INTS5: variants seen among roughly 807,000 people sequenced by gnomAD.
INTS5 encodes the protein KIAA1698.
A neutral mutation model predicts 60.0 loss-of-function variants in INTS5; 29 were observed. The ratio of observed to expected loss-of-function variants is 0.48; its 90% CI spans 0.36 to 0.66. The LOEUF is 0.66. Among genes scored for constraint, INTS5 ranks in the 30% least tolerant of loss-of-function variants. The pLI is 0.00. For synonymous variants in INTS5, 588 were observed against 558.8 expected (o/e 1.05, Z -0.74); for missense variants, 1,129 against 1,307.9 (o/e 0.86, Z 2.11).
chr11:62,650,753 G>A (rs1036759185), intron 1 of INTS5, among the ~76,000 whole-genome samples: 2 of 152,186 alleles, frequency 1.3e-5, no homozygotes, highest in South Asian at 2.1e-4. Context: ...TGTCACCCAG[G>A]CTGGAGTGCA....
chr11:62,647,925 C>T lies in INTS5; in HGVS notation c.2155G>A (p.Val719Ile). The stretch of plus-strand genomic sequence containing the variant: ...GAGGCAGAAGCCAAAGAAGCTGAAA[C>T]AACTGAGAGAGTCTCATTGTCCCCA... ...VDGDNETLSV[V>I]SASLASASLL... is the part of the protein sequence containing the mutation. Residue 719 changes from valine (V) to isoleucine (I), a missense_variant, in exon 2 of 2, where the codon GTT (valine) becomes ATT (isoleucine). This residue lies in a region of INTS5 where 1,070 missense variants were observed against 1,246.1 expected (regional missense o/e 0.86). Coordinates refer to ENST00000330574, the MANE Select transcript of INTS5 (RefSeq NM_030628.2). The T allele has an allele frequency of 2.5e-6, 4 of 1,614,190 alleles. No homozygotes were observed. Among genetic ancestry groups the T allele is most frequent in the Non-Finnish European group, 3.4e-6 (4 of 1,180,030 alleles).
rs767632603 is a variant in INTS5 at position 62,649,587 on chromosome 11, G to A, written c.493C>T (p.Arg165Cys). Residue 165 changes from arginine to cysteine, a missense_variant, in exon 2 of 2, where the codon CGT becomes TGT. By Grantham distance (180) the Arg-to-Cys change is radical. This residue lies in a region of INTS5 where 1,070 missense variants were observed against 1,246.1 expected (regional missense o/e 0.86). Coordinates refer to ENST00000330574, the MANE Select transcript of INTS5 (RefSeq NM_030628.2). This position sits in a 1 kb window ranked among gnomAD's most constrained non-coding sequence, Gnocchi z 6.0. ...LSSTYSGQHQ[R>C]VPHATGALNE... ...AGAGCGCCAGTAGCGTGGGGAACAC[G>A]CTGGTGCTGGCCTGAGTACGTGCTG... The A allele has an allele frequency of 5.6e-6, 9 of 1,614,140 alleles. No individual in the cohort carries two copies. Among genetic ancestry groups the A allele is most frequent in the Non-Finnish European group, 6.8e-6 (8 of 1,180,020 alleles).
At position 62,648,809 on chromosome 11, in the gene INTS5, C is replaced by A. The variant is rs1453379736; in HGVS notation, c.1271G>T (p.Gly424Val). The change falls in exon 2 of 2, where the codon GGC (glycine) becomes GTC (valine). Residue 424 changes from glycine to valine, a missense_variant. Physicochemically the swap from Gly to Val is moderately radical, Grantham distance 109 (BLOSUM62 -3). Around this residue, in one of 3 missense-constraint regions of INTS5, gnomAD observed 1,070 missense variants for 1,246.1 expected, o/e 0.86. Transcript: ENST00000330574. This position sits in a 1 kb window ranked among gnomAD's most constrained non-coding sequence, Gnocchi z 4.4. Reference sequence around the variant, plus strand: ...ACGCACGGTGTCTGGCACAGCCAGGCCCTGGGTGGTAATGACCGAAGCAGG... The same window carrying A: ...ACGCACGGTGTCTGGCACAGCCAGGACCTGGGTGGTAATGACCGAAGCAGG... ...AMPASVITTQ[G>V]LAVPDTVREA... The A allele has an allele frequency of 1.2e-6, 2 of 1,614,020 alleles. No homozygotes were observed. The highest frequency in any genetic ancestry group is 2.7e-5 in the African/African-American group (2 of 74,940).
rs1944579890 is a variant in INTS5, at chr11:62,649,801, A to C, written c.279T>G (p.Asp93Glu). ...GAGGTGGACCAGCCACAGGGGTTTCATCCAGGGCAGCCAGGTGGGCCCGGA... is the reference window on the plus strand; with the variant it reads ...GAGGTGGACCAGCCACAGGGGTTTCCTCCAGGGCAGCCAGGTGGGCCCGGA... ...ESVRAHLAAL[D>E]ETPVAGPPHL... The change falls in exon 2 of 2, where the codon GAT (aspartate) becomes GAG (glutamate). Residue 93 changes from aspartate (D) to glutamate (E), a missense_variant. Coordinates refer to ENST00000330574, the MANE Select transcript of INTS5 (RefSeq NM_030628.2). The surrounding 1 kb of genome is among the most constrained non-coding windows in gnomAD (Gnocchi z 6.0). The C allele has an allele frequency of 1.2e-6, 2 of 1,614,040 alleles. No individual in the cohort carries two copies. The highest frequency in any genetic ancestry group is 2.7e-5 in the African/African-American group (2 of 74,946).
In INTS5 at chr11:62,647,868, C is replaced by T; in HGVS notation, c.2212G>A (p.Ala738Thr). ...LLDTNRRHTAAVPGPGGIWSV... is the reference protein window; with the variant it reads ...LLDTNRRHTATVPGPGGIWSV... ...CAAATCCCTCCAGGACCTGGCACAG[C>T]TGCAGTGTGCCTCCGGTTAGTGTCC... The change falls in exon 2 of 2, where the codon GCT becomes ACT. Residue 738 changes from alanine (A) to threonine (T), a missense_variant. By Grantham distance (58) the Ala-to-Thr change is moderately conservative. Coordinates refer to ENST00000330574, the MANE Select transcript of INTS5 (RefSeq NM_030628.2). 6.2e-7 allele frequency: 1 copy of T among 1,614,162 alleles called. No homozygotes were observed. Among genetic ancestry groups the T allele is most frequent in the South Asian group, 1.1e-5 (1 of 91,086 alleles).
intron 1 of INTS5, 72 bp downstream of exon 1, chr11:62,653,098 G>A (rs1944609177): frequency 2.1e-6 from 2 of 966,424 alleles, no homozygotes; most frequent in Admixed American, 4.3e-5. Context: ...TAGGATCCGG[G>A]TTTCTACCGA....
rs1388671614 is a variant in INTS5, at chr11:62,653,242, G to T, written c.8C>A (p.Ala3Glu). Residue 3 changes from alanine to glutamate, a missense_variant, in exon 1 of 2, where the codon GCG becomes GAG. Around this residue, in one of 3 missense-constraint regions of INTS5, gnomAD observed 54 missense variants for 43.1 expected, o/e 1.25. Coordinates refer to ENST00000330574, the MANE Select transcript of INTS5 (RefSeq NM_030628.2). ...TGGGGCCCCGGGAGGGTCGCACAGC[G>T]CGGACATCCCGGAGCCCGAGCCGAG... The part of the protein sequence containing the change: MS[A>E]LCDPPGAPGP... The T allele has an allele frequency of 1.2e-5, 15 of 1,244,116 alleles. No homozygotes were observed. Among genetic ancestry groups the T allele is most frequent in the Non-Finnish European group, 1.5e-5 (15 of 987,554 alleles). The allele number at this position is 1,244,116 out of a possible 1,614,324, so 77.1% of individuals were successfully genotyped here.
rs754300234 is a variant in INTS5, at chr11:62,648,616, C to T, written c.1464G>A (p.Thr488=). ...GGAAGCGCTTCCGTTCCAATCGTAA[C>T]GTCTCTCCACACAGCTCTCCAACAT... ...KNHVGELCGE[T]LRLERKRFLW... is the part of the protein sequence containing the mutation. The change falls in exon 2 of 2, where the codon ACG becomes ACA. Residue 488 remains threonine, a synonymous_variant. Coordinates refer to ENST00000330574, the MANE Select transcript of INTS5 (RefSeq NM_030628.2). This position sits in a 1 kb window ranked among gnomAD's most constrained non-coding sequence, Gnocchi z 4.4. 7.0e-5 allele frequency: 113 copies of T among 1,613,964 alleles called. No individual in the cohort carries two copies. The highest frequency in any genetic ancestry group is 9.9e-5 in the South Asian group (9 of 91,088).
intron 1 of INTS5, among the ~76,000 whole-genome samples, chr11:62,650,337 T>G (rs963190742): frequency 1.3e-5 from 2 of 152,098 alleles, no homozygotes; most frequent in Non-Finnish European, 2.9e-5. Flanking sequence ...AGGATGGTCT[T>G]GATCTCCTGA....
At position 62,648,640 on chromosome 11, in the gene INTS5, A is replaced by C; in HGVS notation, c.1440T>G (p.His480Gln). ...ACGTCTCTCCACACAGCTCTCCAAC[A>C]TGGTTTTTGAGCGCATCTAAAAAGG... ...LVPFLDALKNHVGELCGETLR... is the reference protein window; with the variant it reads ...LVPFLDALKNQVGELCGETLR... Residue 480 changes from histidine (H) to glutamine (Q), a missense_variant, in exon 2 of 2, where the codon CAT becomes CAG. His to Gln is a conservative substitution (Grantham distance 24, BLOSUM62 0). This residue lies in a region of INTS5 where 1,070 missense variants were observed against 1,246.1 expected (regional missense o/e 0.86). Coordinates refer to ENST00000330574, the MANE Select transcript of INTS5 (RefSeq NM_030628.2). This position sits in a 1 kb window ranked among gnomAD's most constrained non-coding sequence, Gnocchi z 4.4. The C allele has an allele frequency of 6.2e-7, 1 of 1,613,716 alleles. No individual in the cohort carries two copies. Among genetic ancestry groups the C allele is most frequent in the Non-Finnish European group, 8.5e-7 (1 of 1,179,896 alleles).
rs2134576569 is a variant in INTS5, at chr11:62,647,263, C to A, written c.2817G>T (p.Val939=). 1 of 1,614,236 alleles carries A rather than the reference C, an allele frequency of 6.2e-7. No homozygotes were observed. Among genetic ancestry groups the A allele is most frequent in the Non-Finnish European group, 8.5e-7 (1 of 1,180,046 alleles). The stretch of plus-strand genomic sequence containing the variant: ...CCCAGACACTGAGCAGCAGCAGACG[C>A]ACCTCGAAAGGTGCCAGTTGGCTAA... ...EVFSQLAPFE[V]RLLLLSVWGF... is the part of the protein sequence containing the mutation. Residue 939 remains valine (V), a synonymous_variant, in exon 2 of 2, where the codon GTG becomes GTT. Coordinates refer to ENST00000330574, the MANE Select transcript of INTS5 (RefSeq NM_030628.2).
Position 62,647,246 on chromosome 11 carries a change from C to G in INTS5, c.2834G>C (p.Ser945Thr), listed in dbSNP as rs776260467. The G allele has an allele frequency of 1.2e-5, 19 of 1,614,112 alleles. No homozygotes were observed. The highest frequency in any genetic ancestry group is 2.2e-5 in the East Asian group (1 of 44,898). Residue 945 changes from serine (S) to threonine (T), a missense_variant, in exon 2 of 2, where the codon AGT becomes ACT. By Grantham distance (58) the Ser-to-Thr change is moderately conservative. Coordinates refer to ENST00000330574, the MANE Select transcript of INTS5 (RefSeq NM_030628.2). ...ATGCTCCCGGAGAAAACCCCAGACACTGAGCAGCAGCAGACGCACCTCGAA... is the reference window on the plus strand; with the variant it reads ...ATGCTCCCGGAGAAAACCCCAGACAGTGAGCAGCAGCAGACGCACCTCGAA... ...APFEVRLLLL[S>T]VWGFLREHGP...
rs1377606268 is a variant in INTS5, at chr11:62,648,277, T to C, written c.1803A>G (p.Glu601=). 2 of 1,613,814 alleles carry C rather than the reference T, an allele frequency of 1.2e-6. No homozygotes were observed. Among genetic ancestry groups the C allele is most frequent in the East Asian group, 4.5e-5 (2 of 44,884 alleles). Reference sequence around the variant, plus strand: ...GGTCAGACAGATGGGCTGAGGCAGATTCCCCAAAGTGCGCCCCTAGGGCTG... The same window carrying C: ...GGTCAGACAGATGGGCTGAGGCAGACTCCCCAAAGTGCGCCCCTAGGGCTG... ...GPAALGAHFG[E]SASAHLSDLA... The change falls in exon 2 of 2, where the codon GAA becomes GAG. Residue 601 remains glutamate, a synonymous_variant. Coordinates refer to ENST00000330574, the MANE Select transcript of INTS5 (RefSeq NM_030628.2). This position sits in a 1 kb window ranked among gnomAD's most constrained non-coding sequence, Gnocchi z 4.4.
In INTS5 at chr11:62,648,163, T is replaced by C; in HGVS notation, c.1917A>G (p.Leu639=). ...CCAGTCCCAGGAGCTGGGAGGGGGA[T>C]AAGGCTTCAGAAGGAAAGGGACAAA... ...LAICPFPSEA[L]SPSQLLGLVR... is the part of the protein sequence containing the mutation. The change falls in exon 2 of 2, where the codon TTA becomes TTG. Residue 639 remains leucine (L), a synonymous_variant. Coordinates refer to ENST00000330574, the MANE Select transcript of INTS5 (RefSeq NM_030628.2). The surrounding 1 kb of genome is among the most constrained non-coding windows in gnomAD (Gnocchi z 4.4). 6.2e-7 allele frequency: 1 copy of C among 1,613,386 alleles called. No homozygotes were observed. Among genetic ancestry groups the C allele is most frequent in the African/African-American group, 1.3e-5 (1 of 75,020 alleles).
chr11:62,648,768 G>A lies in INTS5; in HGVS notation c.1312C>T (p.Leu438=). 2 of 1,614,204 alleles carry A rather than the reference G, an allele frequency of 1.2e-6. No individual in the cohort carries two copies. Among genetic ancestry groups the A allele is most frequent in the Non-Finnish European group, 1.7e-6 (2 of 1,180,038 alleles). ...AGGTGCAGCAGCAGCAGCTGGATTAGCCGGTCACAAGCCTCACGCACGGTG... is the reference window on the plus strand; with the variant it reads ...AGGTGCAGCAGCAGCAGCTGGATTAACCGGTCACAAGCCTCACGCACGGTG... ...PDTVREACDR[L]IQLLLLHLQK... Residue 438 remains leucine (L), a synonymous_variant, in exon 2 of 2, where the codon CTA becomes TTA. Transcript: ENST00000330574. The surrounding 1 kb of genome is among the most constrained non-coding windows in gnomAD (Gnocchi z 4.4).
Position 62,649,534 on chromosome 11 carries a change from A to C in INTS5, c.546T>G (p.Gly182=). The C allele has an allele frequency of 1.2e-6, 2 of 1,614,134 alleles. No homozygotes were observed. The highest frequency in any genetic ancestry group is 1.1e-5 in the South Asian group (1 of 91,082). The change falls in exon 2 of 2, where the codon GGT becomes GGG. Residue 182 remains glycine, a synonymous_variant. Transcript: ENST00000330574. This position sits in a 1 kb window ranked among gnomAD's most constrained non-coding sequence, Gnocchi z 6.0. ...CCATTAATGTACGCGTGGCCCTACA[A>C]CCCATCCACAGCTGTAGCAGTTCAT... The part of the protein sequence containing the change: ...ALNELLQLWM[G]CRATRTLMDI...
At chr11:62,652,070 A>T (rs932547412) in intron 1 of INTS5, among the ~76,000 whole-genome samples, 1 of 151,814 alleles carries the variant, frequency 6.6e-6, no homozygotes, top group African/African-American at 2.4e-5. Flanking sequence ...CTGTAATCCT[A>T]GCACTCTGGG....
chr11:62,648,506 C>A lies in INTS5; in HGVS notation c.1574G>T (p.Arg525Leu). 1 of 1,614,174 alleles carries A rather than the reference C, an allele frequency of 6.2e-7. No individual in the cohort carries two copies. Among genetic ancestry groups the A allele is most frequent in the South Asian group, 1.1e-5 (1 of 91,090 alleles). ...GPEALGHLLS[R>L]ARSPEELSLA... is the part of the protein sequence containing the mutation. ...ACTCAACTCTTCAGGGCTTCGGGCT[C>A]GGCTCAGCAGATGGCCCAAGGCCTC... The change falls in exon 2 of 2, where the codon CGA becomes CTA. Residue 525 changes from arginine (R) to leucine (L), a missense_variant. Arg to Leu is a moderately radical substitution (Grantham distance 102). This residue lies in a region of INTS5 where 1,070 missense variants were observed against 1,246.1 expected (regional missense o/e 0.86). Coordinates refer to ENST00000330574, the MANE Select transcript of INTS5 (RefSeq NM_030628.2). The surrounding 1 kb of genome is among the most constrained non-coding windows in gnomAD (Gnocchi z 4.4).
chr11:62,647,594 A>C lies in INTS5; in HGVS notation c.2486T>G (p.Leu829Arg). The change falls in exon 2 of 2, where the codon CTG becomes CGG. Residue 829 changes from leucine to arginine, a missense_variant. By Grantham distance (102) the Leu-to-Arg change is moderately radical (BLOSUM62 -2). Transcript: ENST00000330574. ...GGCGTGTTCCTCGGGGGGCCAGGCC[A>C]GCTCTGCACCAGCTGCATCGGGACA... ...SVCPDAAGAE[L>R]AWPPEEHARA... The C allele has an allele frequency of 6.2e-7, 1 of 1,613,976 alleles. No individual in the cohort carries two copies. The highest frequency in any genetic ancestry group is 8.5e-7 in the Non-Finnish European group (1 of 1,180,026).
Sources: allele counts gnomAD v4.1 joint callset (sites outside exome capture counted in the v4.1 genomes callset), GRCh38; gene constraint gnomAD v4.1.1; regional missense constraint gnomAD v4.1.1; non-coding constraint Gnocchi (gnomAD v3.1); transcripts MANE v1.5; gene names NCBI Gene and HGNC (gene_info 2026-07-23, HGNC 2026-07-21).